The following NPAS2 variants were observed in gnomAD, a reference collection of about 807,000 sequenced individuals.
NPAS2 encodes the protein neuronal PAS domain-containing protein 2.
In NPAS2, 23 loss-of-function variants were observed where a neutral mutation model predicts 107.5. The observed-to-expected ratio is 0.21, with a 90% CI of 0.15 to 0.30. The LOEUF (loss-of-function observed/expected upper bound fraction) is 0.30, where lower values mean the gene tolerates loss of function less well. NPAS2 is among the 10% of genes least tolerant of loss of function. The pLI is 1.00. For missense variants in NPAS2, 756 were observed against 1,043.3 expected, an observed-to-expected ratio of 0.72 and a Z score of 3.79; for synonymous variants, 403 against 417.5, an observed-to-expected ratio of 0.97 and a Z score of 0.42.
intron 4 of NPAS2, chr2:100,933,961 T>C (rs1684148552): frequency 6.6e-6 from 1 of 152,234 alleles, no homozygotes; most frequent in Non-Finnish European, 1.5e-5. Context: ...ATAAGACTGA[T>C]GTAAACTTCA....
rs772815471 is a variant in NPAS2, at chr2:100,968,367, A to G, written c.994A>G (p.Ile332Val). The G allele has an allele frequency of 2.5e-6, 4 of 1,613,968 alleles. No individual in the cohort carries two copies. The highest frequency in any genetic ancestry group is 2.2e-5 in the East Asian group (1 of 44,864). Residue 332 changes from isoleucine to valine, a missense_variant, in exon 11 of 21, where the codon ATC (isoleucine) becomes GTC (valine). By Grantham distance (29) the Ile-to-Val change is conservative (BLOSUM62 3). Coordinates refer to ENST00000335681, the MANE Select transcript of NPAS2 (RefSeq NM_002518.4). This position sits in a 1 kb window ranked among gnomAD's most constrained non-coding sequence, Gnocchi z 5.3. ...QWIWLQTHYYITYHQWNSKPE... is the reference protein window; with the variant it reads ...QWIWLQTHYYVTYHQWNSKPE... ...GATCTGGCTGCAGACTCACTACTAC[A>G]TCACCTACCATCAGTGGAACTCCAA...
chr2:100,925,038 A>G, intron 2 of NPAS2, 108 bp from the exon 3 acceptor site: 4 of 1,174,396 alleles, frequency 3.4e-6, no homozygotes, highest in Non-Finnish European at 4.7e-6. Context: ...TTTTTTGATA[A>G]GATAGATGAT....
intron 2 of NPAS2, among the ~76,000 whole-genome samples, chr2:100,910,882 C>T (rs750093578): frequency 6.6e-6 from 1 of 152,148 alleles, no homozygotes; most frequent in Non-Finnish European, 1.5e-5. Flanking sequence ...GTGATGCCCC[C>T]AAACCGCATG....
At chr2:100,822,374 G>A (rs1423516821) in intron 1 of NPAS2, among the ~76,000 whole-genome samples, 1 of 151,982 alleles carries the variant, frequency 6.6e-6, no homozygotes, top group Non-Finnish European at 1.5e-5. Flanking sequence ...AAACAGTTTG[G>A]GCCCTTTAAA....
chr2:100,829,918 T>G (rs779968093), intron 1 of NPAS2, among the ~76,000 whole-genome samples: 1 of 152,160 alleles, frequency 6.6e-6, no homozygotes, highest in Non-Finnish European at 1.5e-5. Flanking sequence ...TAAGTGATAG[T>G]GCATAGCCCA....
rs1553462552 is a variant in NPAS2, at chr2:100,963,390, G to GTTT, written c.599-667_599-665dup. On this transcript the variant is annotated intron_variant, in intron 7 of 20. Coordinates refer to ENST00000335681, the MANE Select transcript of NPAS2 (RefSeq NM_002518.4). ...AATGAGGCTGTCTTCTCTTTTTTTT[G>GTTT]TTTGTTTTGTTTTGTTTTGTTTTGT... 3.1e-3 allele frequency among the ~76,000 whole-genome samples: 457 copies of GTTT among 149,116 alleles called. 1 individual carries two copies. Among genetic ancestry groups the GTTT allele is most frequent in the African/African-American group, 0.012 (449 of 38,920 alleles).
At chr2:100,958,255 G>A (rs1181641337) in intron 7 of NPAS2, among the ~76,000 whole-genome samples, 1 of 152,208 alleles carries the variant, frequency 6.6e-6, no homozygotes, top group Non-Finnish European at 1.5e-5. Context: ...AGGCTTTTCA[G>A]CTTACAACAC....
chr2:100,982,245 C>G lies in NPAS2; in HGVS notation c.1497C>G (p.Phe499Leu), dbSNP rs770292855. 80 of 1,614,104 alleles carry G rather than the reference C, an allele frequency of 5.0e-5. No individual in the cohort carries two copies. In the Admixed American group the frequency reaches 1.3e-3, roughly 26 times the overall value. ...CCACCTTGAAGTTTTCGGCACAGTT[C>G]AGCATGTTCCAGACCATCAAAGACC... ...PAPMAQFSAQ[F>L]SMFQTIKDQL... is the part of the protein sequence containing the mutation. Residue 499 changes from phenylalanine to leucine, a missense_variant, in exon 16 of 21, where the codon TTC becomes TTG. Phe to Leu is a conservative substitution (Grantham distance 22). This residue lies in a region of NPAS2 where 496 missense variants were observed against 594.4 expected (regional missense o/e 0.83). Coordinates refer to ENST00000335681, the MANE Select transcript of NPAS2 (RefSeq NM_002518.4).
At position 100,837,242 on chromosome 2, in the gene NPAS2, G is replaced by T. The variant is rs143556717; in HGVS notation, c.-23+16828G>T. Among the ~76,000 whole-genome samples, 689 of 152,242 alleles carry T rather than the reference G, an allele frequency of 4.5e-3. 6 individuals are homozygous for T. The highest frequency in any genetic ancestry group is 0.016 in the African/African-American group (670 of 41,548). On this transcript the variant is annotated intron_variant, in intron 1 of 20. Transcript: ENST00000335681. ...GATCTGACAGTCTAAAAGTTAGATT[G>T]TAAAAGGCCGTATTGATCCTAATAT...
chr2:100,827,438 G>A (rs1185401944), intron 1 of NPAS2, among the ~76,000 whole-genome samples: 3 of 152,066 alleles, frequency 2.0e-5, no homozygotes, highest in African/African-American at 7.2e-5. Flanking sequence ...TTTGTTACCT[G>A]GGTATATTGC....
intron 1 of NPAS2, among the ~76,000 whole-genome samples, chr2:100,836,681 C>A (rs1477766100): frequency 1.3e-5 from 2 of 152,194 alleles, no homozygotes; most frequent in African/African-American, 4.8e-5. Flanking sequence ...CTTCCGTACG[C>A]ACGGAACTGT....
At chr2:100,966,585 C>CTTTT (rs765292891) in intron 10 of NPAS2, among the ~76,000 whole-genome samples, 10 of 120,340 alleles carry the variant, frequency 8.3e-5, no homozygotes, top group South Asian at 3.0e-4. Flanking sequence ...CCCATTAGAA[C>CTTTT]TTTTTTTTTT....
chr2:100,981,911 T>C (rs1032736476), intron 15 of NPAS2, among the ~76,000 whole-genome samples: 1 of 152,198 alleles, frequency 6.6e-6, no homozygotes, highest in Admixed American at 6.5e-5. Context: ...GGAATATCAG[T>C]TTGTGAACAT....
intron 1 of NPAS2, among the ~76,000 whole-genome samples, chr2:100,879,440 A>AC (rs577730713): frequency 4.0e-4 from 61 of 151,098 alleles, no homozygotes; most frequent in African/African-American, 9.7e-4. Context: ...AGCCTTGCTG[A>AC]CCCCCCCTCA....
intron 16 of NPAS2, chr2:100,987,337 A>C (rs778444424): frequency 2.6e-5 from 4 of 152,222 alleles, no homozygotes; most frequent in African/African-American, 9.6e-5. Flanking sequence ...TAAAACCACC[A>C]AGCTAATATC....
At chr2:100,829,631 A>G (rs1028445564) in intron 1 of NPAS2, among the ~76,000 whole-genome samples, 3 of 152,062 alleles carry the variant, frequency 2.0e-5, no homozygotes, top group Non-Finnish European at 2.9e-5. Flanking sequence ...TTCGTTTCCT[A>G]TTTGGATGCC....
intron 7 of NPAS2, among the ~76,000 whole-genome samples, chr2:100,963,760 T>C (rs555864561): frequency 3.0e-4 from 46 of 152,340 alleles, no homozygotes; most frequent in African/African-American, 8.9e-4. Context: ...TTATAAGCCA[T>C]AGGGCTAGTG....
At chr2:100,903,173 G>T (rs780411953) in intron 1 of NPAS2, among the ~76,000 whole-genome samples, 1 of 152,200 alleles carries the variant, frequency 6.6e-6, no homozygotes, top group Non-Finnish European at 1.5e-5. Flanking sequence ...AGAACACAGC[G>T]TGGCCGGGTC....
chr2:100,970,027 G>T (rs1247772517), intron 11 of NPAS2, among the ~76,000 whole-genome samples: 1 of 152,184 alleles, frequency 6.6e-6, no homozygotes. Flanking sequence ...ACGCAGAAGA[G>T]GGGAGAAACA....
Sources: gnomAD v4.1 joint callset for allele counts (sites outside exome capture counted in the v4.1 genomes callset) on GRCh38, gnomAD v4.1.1 for gene constraint, gnomAD v4.1.1 regional missense constraint, Gnocchi (gnomAD v3.1) non-coding constraint, MANE v1.5 for transcripts, NCBI Gene and HGNC (gene_info 2026-07-23, HGNC 2026-07-21) for gene names.